The following PPARD variants were observed in gnomAD, a reference collection of about 807,000 sequenced individuals.
PPARD encodes peroxisome proliferator-activated receptor delta.
PPARD carries 6 observed loss-of-function variants against 39.5 expected under a neutral mutation model. The observed-to-expected ratio is 0.15, with a 90% CI of 0.08 to 0.30. The LOEUF (loss-of-function observed/expected upper bound fraction) is 0.30, where lower values mean the gene tolerates loss of function less well. PPARD is among the 10% of genes least tolerant of loss of function. PPARD has a pLI of 1.00. For synonymous variants in PPARD, 210 were observed against 231.3 expected, an observed-to-expected ratio of 0.91 and a Z score of 0.83; for missense variants, 397 against 596.8, an observed-to-expected ratio of 0.67 and a Z score of 3.49.
Position 35,425,081 on chromosome 6 carries a change from T to G in PPARD, c.1078+302T>G, listed in dbSNP as rs1022670564. On this transcript the variant is annotated intron_variant, in intron 7 of 7. Transcript: ENST00000360694. This position sits in a 1 kb window ranked among gnomAD's most constrained non-coding sequence, Gnocchi z 4.5. Reference sequence around the variant, plus strand: ...TGAGGTCAGGAGTTCGAAACCAGCCTGGCCAACATGGTGAAACCCCGTCTC... The same window carrying G: ...TGAGGTCAGGAGTTCGAAACCAGCCGGGCCAACATGGTGAAACCCCGTCTC... The G allele has an allele frequency of 9.7e-7, 1 of 1,031,800 alleles. No individual in the cohort carries two copies. The allele number at this position is 1,031,800 out of a possible 1,614,324, so 63.9% of individuals were successfully genotyped here.
intron 2 of PPARD, among the ~76,000 whole-genome samples, chr6:35,408,062 G>A (rs910449728): frequency 6.6e-6 from 1 of 152,170 alleles, no homozygotes; most frequent in Non-Finnish European, 1.5e-5. Context: ...GGTGGGTCCA[G>A]CAGCTTTGGG....
At chr6:35,360,866 A>G (rs79994222) in intron 2 of PPARD, among the ~76,000 whole-genome samples, 3,197 of 152,302 alleles carry the variant, frequency 0.021, 67 homozygotes, top group African/African-American at 0.052. Flanking sequence ...GGATGGCGCT[A>G]GAAATCAGAA....
rs200388578 is a variant in PPARD at position 35,420,197 on chromosome 6, C to T, written c.201C>T (p.Cys67=). The T allele has an allele frequency of 8.1e-5, 130 of 1,612,720 alleles. 3 individuals carry two copies. Among genetic ancestry groups the T allele is most frequent in the South Asian group, 7.7e-4 (70 of 90,982 alleles). The change falls in exon 4 of 8, where the codon TGC becomes TGT. Residue 67 remains cysteine, a synonymous_variant. Coordinates refer to ENST00000360694, the MANE Select transcript of PPARD (RefSeq NM_006238.5). ...AGATGGGCTGTGACGGGGCCTCATGCGGCAGCCTCAACATGGAGTGCCGGG... is the reference window on the plus strand; with the variant it reads ...AGATGGGCTGTGACGGGGCCTCATGTGGCAGCCTCAACATGGAGTGCCGGG... ...QLQMGCDGAS[C]GSLNMECRVC...
Position 35,412,794 on chromosome 6 carries a change from G to A in PPARD, c.130+1577G>A, listed in dbSNP as rs1291193594. The stretch of plus-strand genomic sequence containing the variant: ...CCATTCCCCGAGTAAGCAACTTCCT[G>A]TCTATTGGCTGGTAACTGGGATGGC... On this transcript the variant is annotated intron_variant, in intron 3 of 7. Transcript: ENST00000360694. This position sits in a 1 kb window ranked among gnomAD's most constrained non-coding sequence, Gnocchi z 4.1. 1.3e-5 allele frequency among the ~76,000 whole-genome samples: 2 copies of A among 152,184 alleles called. No individual in the cohort carries two copies. Among genetic ancestry groups the A allele is most frequent in the African/African-American group, 4.8e-5 (2 of 41,432 alleles).
At chr6:35,361,139 A>C (rs1023927083) in intron 2 of PPARD, among the ~76,000 whole-genome samples, 1 of 152,220 alleles carries the variant, frequency 6.6e-6, no homozygotes, top group African/African-American at 2.4e-5. Flanking sequence ...TAGGTTACGG[A>C]CTTCTAGGGA....
intron 2 of PPARD, among the ~76,000 whole-genome samples, chr6:35,388,245 C>T (rs1451616756): frequency 1.3e-5 from 2 of 152,018 alleles, no homozygotes; most frequent in African/African-American, 4.8e-5. Context: ...CAGGATCTTT[C>T]CTTTGAGAGA....
At chr6:35,416,101 G>A (rs1299436974) in intron 3 of PPARD, among the ~76,000 whole-genome samples, 1 of 152,030 alleles carries the variant, frequency 6.6e-6, no homozygotes, top group Non-Finnish European at 1.5e-5. Context: ...CTTCTTAGTG[G>A]CCGGGCACAG....
At chr6:35,342,864 G>A (rs546581318) in intron 1 of PPARD, among the ~76,000 whole-genome samples, 183 bp downstream of exon 1, 1 of 152,316 alleles carries the variant, frequency 6.6e-6, no homozygotes, top group Admixed American at 6.5e-5. Context: ...CCGGTCAGCC[G>A]TCGTGCGTTG....
At chr6:35,356,776 T>C (rs1306122741) in intron 2 of PPARD, among the ~76,000 whole-genome samples, 1 of 152,178 alleles carries the variant, frequency 6.6e-6, no homozygotes, top group Admixed American at 6.5e-5. Flanking sequence ...GAGTCACTGC[T>C]CTATCATTTA....
chr6:35,349,142 A>C (rs1387862042), intron 2 of PPARD: 2 of 625,558 alleles, frequency 3.2e-6, no homozygotes, highest in African/African-American at 4.0e-5. Context: ...TCTCCTGCCT[A>C]AGCCTCCTGA....
chr6:35,372,948 T>A (rs1286901368), intron 2 of PPARD, among the ~76,000 whole-genome samples: 2 of 152,226 alleles, frequency 1.3e-5, no homozygotes, highest in African/African-American at 4.8e-5. Flanking sequence ...GAAACTGATT[T>A]CTCACAGTTC....
At chr6:35,383,588 C>T (rs1434265895) in intron 2 of PPARD, among the ~76,000 whole-genome samples, 1 of 134,200 alleles carries the variant, frequency 7.5e-6, no homozygotes, top group Admixed American at 6.9e-5. Flanking sequence ...AGGTGAGGAG[C>T]GCCTCTTTCC....
At chr6:35,357,798 A>G (rs1761706517) in intron 2 of PPARD, among the ~76,000 whole-genome samples, 1 of 151,950 alleles carries the variant, frequency 6.6e-6, no homozygotes, top group African/African-American at 2.4e-5. Flanking sequence ...CGGCCTCCCA[A>G]AGTGCTAGTA....
rs1766061308 is a variant in PPARD at position 35,420,295 on chromosome 6, G to A, written c.285+14G>A. ...GAGGGGTGCAAGGTACGGACTGGGGGGAGCGGTGGCTGGCCACTGAGGCTG... is the reference window on the plus strand; with the variant it reads ...GAGGGGTGCAAGGTACGGACTGGGGAGAGCGGTGGCTGGCCACTGAGGCTG... On this transcript the variant is annotated intron_variant, in intron 4 of 7. Transcript: ENST00000360694. 9.8e-6 allele frequency: 15 copies of A among 1,528,286 alleles called. No homozygotes were observed. The highest frequency in any genetic ancestry group is 7.2e-5 in the East Asian group (3 of 41,382). The allele number at this position is 1,528,286 out of a possible 1,614,324, so 94.7% of individuals were successfully genotyped here.
At chr6:35,351,277 G>A (rs920911858) in intron 2 of PPARD, among the ~76,000 whole-genome samples, 2 of 152,000 alleles carry the variant, frequency 1.3e-5, no homozygotes, top group South Asian at 2.1e-4. Flanking sequence ...CACCCGCGTC[G>A]GCCTCCCAAA....
chr6:35,402,196 A>G (rs1350643969), intron 2 of PPARD, among the ~76,000 whole-genome samples: 1 of 152,178 alleles, frequency 6.6e-6, no homozygotes, highest in African/African-American at 2.4e-5. Context: ...GAAAATCGAA[A>G]TCACCTACAG....
intron 2 of PPARD, among the ~76,000 whole-genome samples, chr6:35,351,374 T>C (rs1272661474): frequency 1.3e-5 from 2 of 152,208 alleles, no homozygotes; most frequent in African/African-American, 2.4e-5. Flanking sequence ...ATGTTTACCA[T>C]GTTAGAAGTT....
chr6:35,351,582 T>C (rs1448817760), intron 2 of PPARD, among the ~76,000 whole-genome samples: 1 of 152,164 alleles, frequency 6.6e-6, no homozygotes, highest in Non-Finnish European at 1.5e-5. Context: ...AGATAGCATC[T>C]CCCTCAGTCA....
At chr6:35,374,415 TG>T (rs1366360865) in intron 2 of PPARD, among the ~76,000 whole-genome samples, 3 of 151,930 alleles carry the variant, frequency 2.0e-5, no homozygotes, top group Non-Finnish European at 4.4e-5. Context: ...CCCAGCACTT[TG>T]GGAGGCCGAG....
Sources: gnomAD v4.1 joint callset for allele counts (sites outside exome capture counted in the v4.1 genomes callset) on GRCh38, gnomAD v4.1.1 for gene constraint, Gnocchi (gnomAD v3.1) non-coding constraint, MANE v1.5 for transcripts, NCBI Gene and HGNC (gene_info 2026-07-23, HGNC 2026-07-21) for gene names.